PDZRN3: variants seen among roughly 807,000 people sequenced by gnomAD.
PDZRN3 encodes the protein PDZ domain containing ring finger 3.
Under a neutral mutation model 85.7 loss-of-function variants are expected in PDZRN3, and 38 were observed. The observed-to-expected ratio is 0.44, with a 90% CI of 0.34 to 0.58. The LOEUF is 0.58. Ranked by LOEUF, PDZRN3 falls within the 20% of genes least tolerant of loss-of-function variation. The probability of loss-of-function intolerance (pLI) is 0.01; values close to 1 mark genes in which losing one functional copy is unlikely to be tolerated. For synonymous variants in PDZRN3, 759 were observed against 638.0 expected, an observed-to-expected ratio of 1.19 and a Z score of -2.86; for missense variants, 1,629 against 1,506.4, an observed-to-expected ratio of 1.08 and a Z score of -1.35.
intron 3 of PDZRN3, among the ~76,000 whole-genome samples, chr3:73,480,190 C>A (rs562004460): frequency 1.1e-3 from 164 of 152,324 alleles, no homozygotes; most frequent in African/African-American, 3.8e-3. Flanking sequence ...TCTAAAACCA[C>A]TGGGGCATGA....
chr3:73,577,565 T>A lies in PDZRN3; in HGVS notation c.918+24789A>T, dbSNP rs1463262194. ...CTCCCTGGCTTCTAGCTGGGACCAG[T>A]CAATGGGGCACAGCAGAGGAAAACC... On this transcript the variant is annotated intron_variant, in intron 3 of 9. Coordinates refer to ENST00000263666, the MANE Select transcript of PDZRN3 (RefSeq NM_015009.3). Among the ~76,000 whole-genome samples the A allele has an allele frequency of 7.9e-5, 12 of 152,056 alleles. 1 individual carries two copies.
At chr3:73,563,039 G>A (rs1469280519) in intron 3 of PDZRN3, among the ~76,000 whole-genome samples, 3 of 47,164 alleles carry the variant, frequency 6.4e-5, no homozygotes, top group Admixed American at 7.3e-4. Context: ...TTTTTTTTGA[G>A]ACAGAGTCTA....
intron 3 of PDZRN3, among the ~76,000 whole-genome samples, chr3:73,542,276 C>T (rs1254235543): frequency 6.6e-6 from 1 of 152,148 alleles, no homozygotes; most frequent in East Asian, 1.9e-4. Context: ...CAACAGGTAA[C>T]CAGCACCTGG....
intron 3 of PDZRN3, among the ~76,000 whole-genome samples, chr3:73,411,285 C>G (rs926240054): frequency 8.5e-5 from 13 of 152,078 alleles, no homozygotes; most frequent in Non-Finnish European, 1.3e-4. Flanking sequence ...CAAGGTGGGG[C>G]CATTTCAAGT....
At chr3:73,590,641 T>G (rs1168823790) in intron 3 of PDZRN3, among the ~76,000 whole-genome samples, 1 of 152,246 alleles carries the variant, frequency 6.6e-6, no homozygotes, top group African/African-American at 2.4e-5. Flanking sequence ...TTGAGAGTAT[T>G]AAAAAGTTTC....
chr3:73,599,822 C>T (rs1702484993), intron 3 of PDZRN3, among the ~76,000 whole-genome samples: 1 of 152,148 alleles, frequency 6.6e-6, no homozygotes, highest in Non-Finnish European at 1.5e-5. Flanking sequence ...AAGGTGCATC[C>T]CAGTGAGTCT....
chr3:73,564,355 T>G (rs971560911), intron 3 of PDZRN3, among the ~76,000 whole-genome samples: 10 of 152,202 alleles, frequency 6.6e-5, no homozygotes, highest in Admixed American at 5.2e-4. Context: ...GCACCTGGGT[T>G]TGTTTTCACT....
chr3:73,544,480 G>A (rs759474087), intron 3 of PDZRN3, among the ~76,000 whole-genome samples: 2 of 151,916 alleles, frequency 1.3e-5, no homozygotes, highest in Non-Finnish European at 2.9e-5. Flanking sequence ...TTTAAGGTAT[G>A]CTAGTTGATA....
intron 3 of PDZRN3, among the ~76,000 whole-genome samples, chr3:73,473,386 A>G (rs1416891247): frequency 1.3e-5 from 2 of 152,086 alleles, no homozygotes; most frequent in African/African-American, 4.8e-5. Flanking sequence ...GGGTATTGAC[A>G]TTTTGATGGG....
intron 3 of PDZRN3, among the ~76,000 whole-genome samples, chr3:73,552,953 C>T (rs975033459): frequency 7.2e-5 from 11 of 152,166 alleles, no homozygotes; most frequent in African/African-American, 2.7e-4. Context: ...CAACCTACTA[C>T]GTGCTCACCA....
chr3:73,564,712 T>C (rs189438387), intron 3 of PDZRN3, among the ~76,000 whole-genome samples: 2 of 152,202 alleles, frequency 1.3e-5, no homozygotes, highest in African/African-American at 2.4e-5. Flanking sequence ...GTGGTAAGCC[T>C]CATAATTTAG....
intron 3 of PDZRN3, among the ~76,000 whole-genome samples, chr3:73,586,308 G>C (rs908763034): frequency 6.6e-6 from 1 of 152,190 alleles, no homozygotes; most frequent in Admixed American, 6.5e-5. Flanking sequence ...CTGTCTGCAG[G>C]AGGTGTTGTC....
intron 3 of PDZRN3, among the ~76,000 whole-genome samples, chr3:73,597,592 C>T (rs759982490): frequency 1.3e-5 from 2 of 152,100 alleles, no homozygotes; most frequent in Admixed American, 6.6e-5. Flanking sequence ...AGGCAAGCCT[C>T]CTGTAACACA....
Position 73,480,619 on chromosome 3 carries a change from C to A in PDZRN3, c.919-76224G>T, listed in dbSNP as rs140350291. 1.5e-3 allele frequency among the ~76,000 whole-genome samples: 234 copies of A among 152,292 alleles called. 1 individual carries two copies. The highest frequency in any genetic ancestry group is 5.0e-3 in the African/African-American group (206 of 41,556). The stretch of plus-strand genomic sequence containing the variant: ...TGCCTACCCCATCACCCAGAGTGCA[C>A]GCTTGCCTCTGTAAAAGCACATGGA... On this transcript the variant is annotated intron_variant, in intron 3 of 9. Coordinates refer to ENST00000263666, the MANE Select transcript of PDZRN3 (RefSeq NM_015009.3).
chr3:73,492,546 T>C (rs1009949931), intron 3 of PDZRN3, among the ~76,000 whole-genome samples: 18 of 152,340 alleles, frequency 1.2e-4, no homozygotes, highest in African/African-American at 4.3e-4. Flanking sequence ...GATCTGGGGC[T>C]GCAGAGGTGT....
In PDZRN3 at chr3:73,624,123, C is replaced by A. The variant is rs1459227155; in HGVS notation, c.703G>T (p.Ala235Ser). 1 of 1,469,294 alleles carries A rather than the reference C, an allele frequency of 6.8e-7. No individual in the cohort carries two copies. Among genetic ancestry groups the A allele is most frequent in the African/African-American group, 1.5e-5 (1 of 67,832 alleles). The allele number at this position is 1,469,294 out of a possible 1,614,324, so 91.0% of individuals were successfully genotyped here. A position where few individuals can be genotyped will look rare whatever the true frequency, so the allele number is the denominator to read the frequency against. ...CCTACCTTGCCGCCGGGCGGCGCGG[C>A]CACGCAGCGGCTGAGCGAGTCGAGG... ...ARLDSLSRCV[A>S]APPGGKGEET... Residue 235 changes from alanine (A) to serine (S), a missense_variant, in exon 1 of 10, where the codon GCC (alanine) becomes TCC (serine). By Grantham distance (99) the Ala-to-Ser change is moderately conservative. Transcript: ENST00000263666.
chr3:73,383,863 G>A lies in PDZRN3; in HGVS notation c.2703C>T (p.Ser901=). The change falls in exon 10 of 10, where the codon AGC becomes AGT. Residue 901 remains serine (S), a synonymous_variant. Coordinates refer to ENST00000263666, the MANE Select transcript of PDZRN3 (RefSeq NM_015009.3). ...TCAGGTCCTTGCACATGCTCACCAGGCTCATCTGGCTTTGCGCGTACTCCA... is the reference window on the plus strand; with the variant it reads ...TCAGGTCCTTGCACATGCTCACCAGACTCATCTGGCTTTGCGCGTACTCCA... ...SAVEYAQSQM[S]LVSMCKDLSS... 1.2e-6 allele frequency: 2 copies of A among 1,613,772 alleles called. No individual in the cohort carries two copies. Among genetic ancestry groups the A allele is most frequent in the Non-Finnish European group, 8.5e-7 (1 of 1,180,008 alleles).
intron 1 of PDZRN3, among the ~76,000 whole-genome samples, chr3:73,619,793 A>C (rs567152450): frequency 6.6e-6 from 1 of 152,300 alleles, no homozygotes; most frequent in African/African-American, 2.4e-5. Flanking sequence ...ACAGCATAGG[A>C]GGCTTGAGGG....
rs1241524932 is a variant in PDZRN3 at position 73,603,880 on chromosome 3, CACACAT to C, written c.811-1425_811-1420del. 6.0e-3 allele frequency among the ~76,000 whole-genome samples: 491 copies of C among 82,156 alleles called. 5 individuals are homozygous for C. Among genetic ancestry groups the C allele is most frequent in the African/African-American group, 0.015 (450 of 30,972 alleles). The allele number at this position is 82,156 out of a possible 152,430, so 53.9% of individuals were successfully genotyped here. A position where few individuals can be genotyped will look rare whatever the true frequency, so the allele number is the denominator to read the frequency against. ...CTTCACACTTCCCCAAACACACACA[CACACAT>C]ACACACACACACACACACACACAGA... is the stretch of plus-strand genomic sequence containing the variant. On this transcript the variant is annotated intron_variant, in intron 2 of 9. Transcript: ENST00000263666.
Sources: allele counts gnomAD v4.1 joint callset (sites outside exome capture counted in the v4.1 genomes callset), GRCh38; gene constraint gnomAD v4.1.1; transcripts MANE v1.5; gene names NCBI Gene and HGNC (gene_info 2026-07-23, HGNC 2026-07-21).